Variants in THSD4 observed in about 807,000 individuals in gnomAD.
THSD4 encodes the protein thrombospondin type-1 domain-containing protein 4.
THSD4 carries 69 observed loss-of-function variants against 119.0 expected under a neutral mutation model. The ratio of observed to expected loss-of-function variants is 0.58; its 90% CI spans 0.48 to 0.71. The LOEUF is 0.71. THSD4 is among the 30% of genes least tolerant of loss of function. The probability of loss-of-function intolerance (pLI) is 0.00; values close to 1 mark genes in which losing one functional copy is unlikely to be tolerated. For synonymous variants in THSD4, 524 were observed against 540.4 expected, an observed-to-expected ratio of 0.97 and a Z score of 0.42; for missense variants, 1,393 against 1,391.1, an observed-to-expected ratio of 1.00 and a Z score of -0.02.
At chr15:71,203,475 T>G (rs892603484) in intron 3 of THSD4, among the ~76,000 whole-genome samples, 1 of 149,020 alleles carries the variant, frequency 6.7e-6, no homozygotes, top group Non-Finnish European at 1.5e-5. Context: ...GCCAACATGA[T>G]GAAACCTCGT....
chr15:71,457,154 G>A (rs1201195559), intron 7 of THSD4, among the ~76,000 whole-genome samples: 2 of 152,122 alleles, frequency 1.3e-5, no homozygotes, highest in African/African-American at 4.8e-5. Context: ...GCTGAGGCAG[G>A]CAGATCGCTC....
rs77247601 is a variant in THSD4 at position 71,206,798 on chromosome 15, C to A, written c.100-8237C>A. Among the ~76,000 whole-genome samples, 83 of 152,352 alleles carry A rather than the reference C, an allele frequency of 5.4e-4. No individual in the cohort carries two copies. In the East Asian group the frequency reaches 0.015, roughly 28 times the overall value. On this transcript the variant is annotated intron_variant, in intron 3 of 17. Transcript: ENST00000261862. ...TTCACTCTGTGCCTCCCACTCTCCA[C>A]AATCTGCTCCAAATCTTTCTCCATT...
chr15:71,200,145 G>A (rs926395146), intron 3 of THSD4, among the ~76,000 whole-genome samples: 1 of 152,108 alleles, frequency 6.6e-6, no homozygotes. Flanking sequence ...GGCGCAGCAT[G>A]CTTCCCTTTC....
intron 4 of THSD4, among the ~76,000 whole-genome samples, chr15:71,239,163 T>G (rs1442787): frequency 0.018 from 2,804 of 152,342 alleles, 105 homozygotes; most frequent in African/African-American, 0.065. Context: ...TCATTTAATC[T>G]TTGTAACTAT....
At chr15:71,320,585 A>G (rs985622492) in intron 6 of THSD4, among the ~76,000 whole-genome samples, 1 of 152,204 alleles carries the variant, frequency 6.6e-6, no homozygotes, top group African/African-American at 2.4e-5. Flanking sequence ...CAGATAACAC[A>G]TAGAAAAAAA....
At chr15:71,430,999 T>C (rs1436227133) in intron 7 of THSD4, among the ~76,000 whole-genome samples, 1 of 152,166 alleles carries the variant, frequency 6.6e-6, no homozygotes, top group African/African-American at 2.4e-5. Flanking sequence ...AACAGATTCT[T>C]ACTGAGCTTA....
chr15:71,270,354 G>C (rs2044514071), intron 6 of THSD4, among the ~76,000 whole-genome samples: 1 of 152,160 alleles, frequency 6.6e-6, no homozygotes, highest in Non-Finnish European at 1.5e-5. Flanking sequence ...CTGGAGAAAG[G>C]ATTCCCTATT....
At chr15:71,493,236 G>T (rs1161776471) in intron 7 of THSD4, among the ~76,000 whole-genome samples, 1 of 152,248 alleles carries the variant, frequency 6.6e-6, no homozygotes, top group Admixed American at 6.5e-5. Flanking sequence ...TTTTGTGACA[G>T]AGCTGGAGAA....
chr15:71,245,562 A>G (rs968102721), intron 5 of THSD4, among the ~76,000 whole-genome samples: 1 of 152,214 alleles, frequency 6.6e-6, no homozygotes, highest in African/African-American at 2.4e-5. Flanking sequence ...CGAAGAGCAT[A>G]GGAAACCAGG....
At chr15:71,148,235 C>T (rs1239465692) in intron 2 of THSD4, among the ~76,000 whole-genome samples, 3 of 152,146 alleles carry the variant, frequency 2.0e-5, no homozygotes, top group African/African-American at 7.2e-5. Flanking sequence ...TTTCCAAGAC[C>T]AAGGCAGATC....
upstream of THSD4, chr15:71,111,895 T>C: frequency 1.8e-6 from 1 of 552,456 alleles, no homozygotes; most frequent in South Asian, 2.7e-5. Context: ...GATGTTTCGC[T>C]GGTAAAAGGA....
chr15:71,108,138 T>C lies in THSD4; in HGVS notation c.-80+11132T>C, dbSNP rs553672616. ...GTGCAGCTCTTTACAATGGAGACAT[T>C]GAGATGAGGTGGCCACTGTAGGGCT... is the stretch of plus-strand genomic sequence containing the variant. On this transcript the variant is annotated intron_variant, in intron 1 of 17. Coordinates refer to the THSD4 transcript ENST00000355327. 6.1e-4 allele frequency among the ~76,000 whole-genome samples: 93 copies of C among 152,196 alleles called. 1 individual carries two copies. The highest frequency in any genetic ancestry group is 2.1e-3 in the African/African-American group (89 of 41,532).
In THSD4 at chr15:71,731,258, C is replaced by A. The variant is rs780502305; in HGVS notation, c.1630+41C>A. On this transcript the variant is annotated intron_variant, in intron 10 of 17. Coordinates refer to ENST00000261862, the MANE Select transcript of THSD4 (RefSeq NM_024817.3). Reference sequence around the variant, plus strand: ...TTGTGGCCGGGGACTCTGGTCATTTCCTTGTAAAGCCTTCTCTCTCTCAAT... The same window carrying A: ...TTGTGGCCGGGGACTCTGGTCATTTACTTGTAAAGCCTTCTCTCTCTCAAT... The A allele has an allele frequency of 1.5e-4, 228 of 1,564,922 alleles. 1 individual carries two copies. In the Admixed American group the frequency reaches 3.8e-3, roughly 26 times the overall value.
At chr15:71,542,706 T>C (rs2048775751) in intron 7 of THSD4, among the ~76,000 whole-genome samples, 1 of 151,988 alleles carries the variant, frequency 6.6e-6, no homozygotes, top group Admixed American at 6.6e-5. Context: ...TGAAACCCCA[T>C]CTCTACTAAA....
chr15:71,740,620 A>C (rs2053216193), intron 11 of THSD4, among the ~76,000 whole-genome samples: 1 of 152,210 alleles, frequency 6.6e-6, no homozygotes, highest in Non-Finnish European at 1.5e-5. Context: ...CTAATGGAGC[A>C]AACTCATAAC....
At chr15:71,679,038 T>C (rs1202952459) in intron 8 of THSD4, among the ~76,000 whole-genome samples, 3 of 152,222 alleles carry the variant, frequency 2.0e-5, no homozygotes, top group Non-Finnish European at 4.4e-5. Flanking sequence ...TTTGTCTGAA[T>C]TGATATTCCT....
At chr15:71,269,047 G>A (rs1313562916) in intron 6 of THSD4, among the ~76,000 whole-genome samples, 1 of 152,098 alleles carries the variant, frequency 6.6e-6, no homozygotes, top group Non-Finnish European at 1.5e-5. Flanking sequence ...AAGAGGAGCT[G>A]GTACCATTCC....
intron 7 of THSD4, among the ~76,000 whole-genome samples, chr15:71,571,456 A>C (rs1293618348): frequency 6.6e-6 from 1 of 152,148 alleles, no homozygotes; most frequent in Non-Finnish European, 1.5e-5. Context: ...AAATCCCAAG[A>C]AATTCCTTAT....
intron 4 of THSD4, 98 bp downstream of exon 4, chr15:71,215,497 GT>G: frequency 8.1e-7 from 1 of 1,236,788 alleles, no homozygotes. Context: ...ACCACAGACA[GT>G]GCGACTAATG....
Sources: allele counts gnomAD v4.1 joint callset (sites outside exome capture counted in the v4.1 genomes callset), GRCh38; gene constraint gnomAD v4.1.1; transcripts MANE v1.5; gene names NCBI Gene and HGNC (gene_info 2026-07-23, HGNC 2026-07-21).